RFX6: variants seen among roughly 807,000 people sequenced by gnomAD.
RFX6 encodes regulatory factor X6.
A neutral mutation model predicts 110.8 loss-of-function variants in RFX6; 50 were observed. The ratio of observed to expected loss-of-function variants is 0.45; its 90% CI spans 0.36 to 0.57. The LOEUF is 0.57. Ranked by LOEUF, RFX6 falls within the 20% of genes least tolerant of loss-of-function variation. The pLI, the probability that RFX6 is intolerant of heterozygous loss-of-function variation, is 0.00. For synonymous variants in RFX6, 383 were observed against 411.2 expected, an observed-to-expected ratio of 0.93 and a Z score of 0.83; for missense variants, 990 against 1,127.0, an observed-to-expected ratio of 0.88 and a Z score of 1.74.
At chr6:116,924,610 T>C in intron 14 of RFX6, 59 bp from the exon 15 acceptor site, 2 of 1,505,368 alleles carry the variant, frequency 1.3e-6, no homozygotes, top group Non-Finnish European at 1.8e-6. Flanking sequence ...TTTCCTTCTC[T>C]TTCTCTCCCC....
Position 116,928,772 on chromosome 6 carries a change from C to A in RFX6, c.2412C>A (p.Ser804Arg), listed in dbSNP as rs751261241. The change falls in exon 18 of 19, where the codon AGC becomes AGA. Residue 804 changes from serine (S) to arginine (R), a missense_variant. By Grantham distance (110) the Ser-to-Arg change is moderately radical (BLOSUM62 -1). Transcript: ENST00000332958. ...PPNSPNGYYG[S>R]NINYPESHRL... The stretch of plus-strand genomic sequence containing the variant: ...TTTCTGTTACAGGATACTATGGAAG[C>A]AACATAAACTACCCAGAGTCTCACA... 9.3e-6 allele frequency: 15 copies of A among 1,611,812 alleles called. No homozygotes were observed. The South Asian group carries it at 1.5e-4, about 17-fold the overall frequency.
At chr6:116,926,087 C>G (rs903692361) in intron 16 of RFX6, among the ~76,000 whole-genome samples, 1 of 152,018 alleles carries the variant, frequency 6.6e-6, no homozygotes, top group Non-Finnish European at 1.5e-5. Flanking sequence ...GAGGCCGAGG[C>G]GAGCAGAGCA....
At position 116,916,564 on chromosome 6, in the gene RFX6, C is replaced by T. The variant is rs115063376; in HGVS notation, c.972+250C>T. ...TAATAATGAGTCTATATGTGACACA[C>T]TTATTAATATGTGAAAACTTAGTTA... On this transcript the variant is annotated intron_variant, in intron 9 of 18. Coordinates refer to ENST00000332958, the MANE Select transcript of RFX6 (RefSeq NM_173560.4). Among the ~76,000 whole-genome samples, 716 of 152,134 alleles carry T rather than the reference C, an allele frequency of 4.7e-3. 5 individuals carry two copies. The highest frequency in any genetic ancestry group is 0.016 in the African/African-American group (682 of 41,514).
rs1003683623 is a variant in RFX6, at chr6:116,913,910, T to C, written c.781-2098T>C. 1.1e-4 allele frequency among the ~76,000 whole-genome samples: 16 copies of C among 152,310 alleles called. 1 individual carries two copies. In the Middle Eastern group the frequency reaches 0.02, roughly 194 times the overall value. ...ATTGGGTTACTGATCACCTTAAATA[T>C]TTATCTTCTCTTTTTGCTAAAGACA... On this transcript the variant is annotated intron_variant, in intron 7 of 18. Coordinates refer to ENST00000332958, the MANE Select transcript of RFX6 (RefSeq NM_173560.4).
Position 116,916,117 on chromosome 6 carries a change from C to T in RFX6, c.858+32C>T, listed in dbSNP as rs755742502. The T allele has an allele frequency of 5.8e-6, 9 of 1,553,546 alleles. No homozygotes were observed. In the African/African-American group the frequency reaches 6.8e-5, roughly 12 times the overall value. On this transcript the variant is annotated intron_variant, in intron 8 of 18. Transcript: ENST00000332958. ...ATGACAAAGAATGCTTTATTTGACC[C>T]TATTATATATACTTTCATGTTCTGT...
In RFX6 at chr6:116,877,393, T is replaced by C. The variant is rs769002497; in HGVS notation, c.118T>C (p.Tyr40His). Residue 40 changes from tyrosine to histidine, a missense_variant, in exon 1 of 19, where the codon TAT (tyrosine) becomes CAT (histidine). Physicochemically the swap from Tyr to His is moderately conservative, Grantham distance 83. This residue lies in a region of RFX6 where 175 missense variants were observed against 162.3 expected (regional missense o/e 1.08). Transcript: ENST00000332958. ...VQLLGKGLLV[Y>H]PEETVYLAAE... ...GCTCCTGGGCAAGGGCTTGCTAGTCTATCCGGAAGAAACAGTGTACCTGGC... is the reference window on the plus strand; with the variant it reads ...GCTCCTGGGCAAGGGCTTGCTAGTCCATCCGGAAGAAACAGTGTACCTGGC... 2 of 1,608,806 alleles carry C rather than the reference T, an allele frequency of 1.2e-6. No homozygotes were observed. Among genetic ancestry groups the C allele is most frequent in the Admixed American group, 1.7e-5 (1 of 59,454 alleles).
Position 116,877,868 on chromosome 6 carries a change from C to T in RFX6, c.296C>T (p.Ala99Val). 3 of 1,614,098 alleles carry T rather than the reference C, an allele frequency of 1.9e-6. No homozygotes were observed. Among genetic ancestry groups the T allele is most frequent in the Non-Finnish European group, 2.5e-6 (3 of 1,179,976 alleles). Residue 99 changes from alanine to valine, a missense_variant, in exon 2 of 19, where the codon GCA becomes GTA. Around this residue, in one of 5 missense-constraint regions of RFX6, gnomAD observed 175 missense variants for 162.3 expected, o/e 1.08. Coordinates refer to ENST00000332958, the MANE Select transcript of RFX6 (RefSeq NM_173560.4). The stretch of plus-strand genomic sequence containing the variant: ...GACAACCACGACAGCAAAACCAAAG[C>T]AGCGGATCAATACCTGTCTCAGAAG... ...DADNHDSKTK[A>V]ADQYLSQKKT...
At chr6:116,877,591 A>C in intron 1 of RFX6, 93 bp downstream of exon 1, 1 of 1,104,770 alleles carries the variant, frequency 9.1e-7, no homozygotes, top group Non-Finnish European at 1.3e-6. Flanking sequence ...GAACAAACAT[A>C]AGGCAGATAT....
Position 116,928,860 on chromosome 6 carries a change from T to G in RFX6, c.2500T>G (p.Tyr834Asp). 6.2e-7 allele frequency: 1 copy of G among 1,612,536 alleles called. No individual in the cohort carries two copies. The highest frequency in any genetic ancestry group is 8.5e-7 in the Non-Finnish European group (1 of 1,178,540). ...CAGCAGCATTCGTTCACTGCCCCCC[T>G]ACAGTGACATCCACGATCCACTTAA... The part of the protein sequence containing the change: ...VISSIRSLPP[Y>D]SDIHDPLNIL... The change falls in exon 18 of 19, where the codon TAC (tyrosine) becomes GAC (aspartate). Residue 834 changes from tyrosine (Y) to aspartate (D), a missense_variant. Around this residue, in one of 5 missense-constraint regions of RFX6, gnomAD observed 438 missense variants for 441.9 expected, o/e 0.99. Coordinates refer to ENST00000332958, the MANE Select transcript of RFX6 (RefSeq NM_173560.4).
intron 11 of RFX6, among the ~76,000 whole-genome samples, chr6:116,919,652 A>G (rs1265997363): frequency 6.6e-6 from 1 of 152,220 alleles, no homozygotes; most frequent in East Asian, 1.9e-4. Context: ...GAATGCAATT[A>G]AACATTTATT....
At chr6:116,921,976 T>C (rs1056710330) in intron 12 of RFX6, 66 bp from the exon 13 acceptor site, 1 of 771,970 alleles carries the variant, frequency 1.3e-6, no homozygotes. Flanking sequence ...AGGTTTTCTC[T>C]TGGATTCCAA....
chr6:116,923,053 ATG>A, intron 13 of RFX6, 52 bp from the exon 14 acceptor site: 1 of 861,876 alleles, frequency 1.2e-6, no homozygotes, highest in East Asian at 2.4e-5. Context: ...CACAGGATGC[ATG>A]TAGTACTGAG....
Position 116,890,547 on chromosome 6 carries a change from C to T in RFX6, c.567-3440C>T, listed in dbSNP as rs142896900. On this transcript the variant is annotated intron_variant, in intron 4 of 18. Coordinates refer to ENST00000332958, the MANE Select transcript of RFX6 (RefSeq NM_173560.4). Reference sequence around the variant, plus strand: ...GGAAAAAAAAGAGTGTACTCTTTCACTGGTTCTCTATCTCCTGGCATGTAT... The same window carrying T: ...GGAAAAAAAAGAGTGTACTCTTTCATTGGTTCTCTATCTCCTGGCATGTAT... Among the ~76,000 whole-genome samples, 119 of 152,228 alleles carry T rather than the reference C, an allele frequency of 7.8e-4. 1 individual carries two copies. Among genetic ancestry groups the T allele is most frequent in the Middle Eastern group, 6.8e-3 (2 of 294 alleles).
chr6:116,911,151 C>T, intron 7 of RFX6, 109 bp downstream of exon 7: 1 of 787,970 alleles, frequency 1.3e-6, no homozygotes, highest in Non-Finnish European at 2.2e-6. Context: ...TCTGCATAAT[C>T]AAACATAATT....
intron 6 of RFX6, among the ~76,000 whole-genome samples, chr6:116,898,901 T>C (rs1327010193): frequency 4.6e-5 from 7 of 152,168 alleles, no homozygotes; most frequent in Admixed American, 2.0e-4. Context: ...CCTAATGCCC[T>C]AAGACATCCA....
chr6:116,921,993 T>C (rs892471792), intron 12 of RFX6, 49 bp from the exon 13 acceptor site: 1 of 859,298 alleles, frequency 1.2e-6, no homozygotes. Flanking sequence ...CCAAGTAGAG[T>C]ACAATATTCT....
chr6:116,881,716 C>G (rs1041290001), intron 3 of RFX6, among the ~76,000 whole-genome samples: 3 of 152,028 alleles, frequency 2.0e-5, no homozygotes, highest in African/African-American at 7.2e-5. Context: ...TAATTCTTAA[C>G]TGTTTGGCAG....
chr6:116,904,544 T>C (rs1775153160), intron 6 of RFX6, among the ~76,000 whole-genome samples: 1 of 152,182 alleles, frequency 6.6e-6, no homozygotes, highest in Admixed American at 6.5e-5. Flanking sequence ...ATCTCAGCCA[T>C]TTTTGAGTGT....
intron 6 of RFX6, among the ~76,000 whole-genome samples, chr6:116,905,931 G>C (rs1301521387): frequency 1.5e-5 from 2 of 132,218 alleles, no homozygotes; most frequent in Non-Finnish European, 3.3e-5. Flanking sequence ...CAAATCACAT[G>C]TTTCCTTCTA....
Sources: gnomAD v4.1 joint callset for allele counts (sites outside exome capture counted in the v4.1 genomes callset) on GRCh38, gnomAD v4.1.1 for gene constraint, gnomAD v4.1.1 regional missense constraint, MANE v1.5 for transcripts, NCBI Gene and HGNC (gene_info 2026-07-23, HGNC 2026-07-21) for gene names.